DPP10: variants seen among roughly 807,000 people sequenced by gnomAD.
DPP10 encodes the protein inactive dipeptidyl peptidase 10.
Under a neutral mutation model 120.9 loss-of-function variants are expected in DPP10, and 33 were observed. That is an observed-to-expected ratio of 0.27 (90% CI 0.21 to 0.37). The LOEUF is 0.37. Ranked by LOEUF, DPP10 falls within the 10% of genes least tolerant of loss-of-function variation. The pLI is 1.00. For synonymous variants in DPP10, 337 were observed against 326.1 expected (o/e 1.03, Z -0.36); for missense variants, 816 against 942.8 (o/e 0.87, Z 1.76).
At chr2:115,738,320 T>A (rs1311904205) in intron 8 of DPP10, among the ~76,000 whole-genome samples, 2 of 152,168 alleles carry the variant, frequency 1.3e-5, no homozygotes, top group African/African-American at 4.8e-5. Context: ...CATTCCTGAT[T>A]TCACAATCAT....
In DPP10 at chr2:114,484,354, CCTT is replaced by C. The variant is rs144334680; in HGVS notation, c.60+41520_60+41522del. ...TGAGAGAGCTTGAGGACTTTCCTGA[CCTT>C]CTTGACATTACCGAGTTCTGAATGG... On this transcript the variant is annotated intron_variant, in intron 1 of 25. Coordinates refer to ENST00000410059, the MANE Select transcript of DPP10 (RefSeq NM_020868.6). Among the ~76,000 whole-genome samples the C allele has an allele frequency of 2.7e-3, 404 of 152,194 alleles. 1 individual carries two copies. Among genetic ancestry groups the C allele is most frequent in the African/African-American group, 8.8e-3 (367 of 41,530 alleles).
At chr2:114,881,258 G>A (rs1558838346) in intron 1 of DPP10, among the ~76,000 whole-genome samples, 1 of 152,104 alleles carries the variant, frequency 6.6e-6, no homozygotes, top group Non-Finnish European at 1.5e-5. Context: ...CTGGGGCAAT[G>A]GGAGCTATTG....
At chr2:115,155,922 T>C (rs1201526042) in intron 1 of DPP10, among the ~76,000 whole-genome samples, 1 of 152,206 alleles carries the variant, frequency 6.6e-6, no homozygotes, top group Non-Finnish European at 1.5e-5. Flanking sequence ...CTACCTTGTC[T>C]CTTCCTCTTC....
intron 1 of DPP10, among the ~76,000 whole-genome samples, chr2:114,897,883 C>G (rs1339230273): frequency 6.6e-6 from 1 of 151,718 alleles, no homozygotes; most frequent in African/African-American, 2.4e-5. Context: ...AATAGGAACA[C>G]TTTTACACTG....
chr2:115,169,933 G>A (rs2053193100), intron 1 of DPP10, among the ~76,000 whole-genome samples: 1 of 152,152 alleles, frequency 6.6e-6, no homozygotes, highest in African/African-American at 2.4e-5. Flanking sequence ...TTTTTGATAT[G>A]TAAATGAAGA....
chr2:115,213,972 CT>C (rs958798755), intron 1 of DPP10, among the ~76,000 whole-genome samples: 5 of 152,068 alleles, frequency 3.3e-5, no homozygotes, highest in Admixed American at 1.3e-4. Context: ...CAGAAAAATG[CT>C]TTTTTTAACC....
At chr2:115,115,995 TTGGGG>T (rs1174423017) in intron 1 of DPP10, among the ~76,000 whole-genome samples, 2 of 152,142 alleles carry the variant, frequency 1.3e-5, no homozygotes, top group Non-Finnish European at 2.9e-5. Context: ...AATGTGAAAT[TTGGGG>T]TAACTGAAGC....
chr2:115,384,374 A>T (rs2066688351), intron 3 of DPP10, among the ~76,000 whole-genome samples: 1 of 150,156 alleles, frequency 6.7e-6, no homozygotes, highest in Non-Finnish European at 1.5e-5. Context: ...ATCCTGTCTC[A>T]GAAAAGCAGA....
At chr2:115,491,773 C>G (rs2076138441) in intron 3 of DPP10, among the ~76,000 whole-genome samples, 1 of 152,076 alleles carries the variant, frequency 6.6e-6, no homozygotes, top group Non-Finnish European at 1.5e-5. Context: ...TTAGGTTGAA[C>G]TTTAGAATGA....
intron 2 of DPP10, among the ~76,000 whole-genome samples, chr2:115,331,646 T>C (rs2062742863): frequency 6.6e-6 from 1 of 152,236 alleles, no homozygotes; most frequent in Non-Finnish European, 1.5e-5. Flanking sequence ...CTGTTGAATT[T>C]TGTCAAAGGC....
intron 17 of DPP10, among the ~76,000 whole-genome samples, chr2:115,786,289 T>C (rs1683336754): frequency 6.6e-6 from 1 of 152,188 alleles, no homozygotes; most frequent in African/African-American, 2.4e-5. Flanking sequence ...ATTTGCAAGA[T>C]AAACATTGTT....
intron 1 of DPP10, among the ~76,000 whole-genome samples, chr2:115,074,315 G>T (rs1176175720): frequency 6.6e-6 from 1 of 152,074 alleles, no homozygotes; most frequent in Non-Finnish European, 1.5e-5. Flanking sequence ...GCAGGGAAAT[G>T]ATTTTTTTAA....
At chr2:114,638,090 A>G (rs184393407) in intron 1 of DPP10, among the ~76,000 whole-genome samples, 1 of 151,990 alleles carries the variant, frequency 6.6e-6, no homozygotes, top group Non-Finnish European at 1.5e-5. Flanking sequence ...GGCCATTTTA[A>G]TAATATTCTT....
intron 1 of DPP10, among the ~76,000 whole-genome samples, chr2:115,259,784 A>G (rs2059168801): frequency 6.6e-6 from 1 of 152,172 alleles, no homozygotes; most frequent in Non-Finnish European, 1.5e-5. Flanking sequence ...GAATGATGAT[A>G]TTAAAAATAC....
intron 1 of DPP10, among the ~76,000 whole-genome samples, chr2:114,710,088 C>T (rs994659834): frequency 1.3e-5 from 2 of 152,242 alleles, no homozygotes; most frequent in African/African-American, 4.8e-5. Flanking sequence ...ATAGTTAGGA[C>T]TGTAATGTGG....
chr2:115,799,921 A>G (rs1684987132), intron 19 of DPP10, among the ~76,000 whole-genome samples: 1 of 152,034 alleles, frequency 6.6e-6, no homozygotes, highest in Non-Finnish European at 1.5e-5. Flanking sequence ...TTATAGCAGC[A>G]TGATTTATAA....
At chr2:114,784,756 C>T (rs1184400174) in intron 1 of DPP10, among the ~76,000 whole-genome samples, 3 of 152,100 alleles carry the variant, frequency 2.0e-5, no homozygotes, top group African/African-American at 7.2e-5. Flanking sequence ...TCAAGTACAT[C>T]AATAGAACAA....
chr2:115,491,265 C>T (rs1175128104), intron 3 of DPP10, among the ~76,000 whole-genome samples: 1 of 152,126 alleles, frequency 6.6e-6, no homozygotes, highest in Non-Finnish European at 1.5e-5. Flanking sequence ...CAGAATAATG[C>T]AGTCAATGCA....
intron 3 of DPP10, among the ~76,000 whole-genome samples, chr2:115,448,987 A>G (rs913139112): frequency 1.3e-5 from 2 of 152,130 alleles, no homozygotes; most frequent in Non-Finnish European, 2.9e-5. Flanking sequence ...CAAATAGAAG[A>G]CACTCAATAA....
Sources: allele counts gnomAD v4.1 joint callset (sites outside exome capture counted in the v4.1 genomes callset), GRCh38; gene constraint gnomAD v4.1.1; transcripts MANE v1.5; gene names NCBI Gene and HGNC (gene_info 2026-07-23, HGNC 2026-07-21).